Variants in SLCO1B3 observed in about 807,000 individuals in gnomAD.
SLCO1B3 encodes liver-specific organic anion transporter 2.
In SLCO1B3, 72 loss-of-function variants were observed where a neutral mutation model predicts 71.8. The observed-to-expected ratio is 1.00, with a 90% confidence interval of 0.83 to 1.22. The LOEUF (loss-of-function observed/expected upper bound fraction) is 1.22. Among genes scored for constraint, SLCO1B3 ranks in the 50% most tolerant of loss-of-function variants. SLCO1B3 has a pLI of 0.00. For missense variants in SLCO1B3, 911 were observed against 819.7 expected, an observed-to-expected ratio of 1.11 and a Z score of -1.36; for synonymous variants, 298 against 278.4, an observed-to-expected ratio of 1.07 and a Z score of -0.70.
rs1166637472 is a variant in SLCO1B3 at position 20,901,390 on chromosome 12, T to C, written c.1788T>C (p.Asp596=). 6 of 1,592,452 alleles carry C rather than the reference T, an allele frequency of 3.8e-6. No homozygotes were observed. Among genetic ancestry groups the C allele is most frequent in the South Asian group, 2.3e-5 (2 of 85,238 alleles). ...LAPIYFGALI[D]KTCMKWSTNS... is the part of the protein sequence containing the mutation. ...CAATATATTTTGGGGCTCTGATTGA[T>C]AAAACATGTATGAAGTGGTCCACCA... The change falls in exon 15 of 16, where the codon GAT becomes GAC. Residue 596 remains aspartate, a synonymous_variant. Transcript: ENST00000381545.
intron 14 of SLCO1B3, among the ~76,000 whole-genome samples, chr12:20,899,539 T>A (rs1036417194): frequency 6.6e-6 from 1 of 152,206 alleles, no homozygotes; most frequent in South Asian, 2.1e-4. Context: ...TAAAAGGAAA[T>A]ATAAAAGGAA....
At chr12:20,820,281 G>A (rs941404847) in intron 3 of SLCO1B3, among the ~76,000 whole-genome samples, 3 of 152,040 alleles carry the variant, frequency 2.0e-5, no homozygotes, top group African/African-American at 4.8e-5. Context: ...GTCTTCAGCC[G>A]CTACGCCAAG....
At position 20,820,148 on chromosome 12, in the gene SLCO1B3, T is replaced by C. The variant is rs369828434; in HGVS notation, c.84+4326T>C. Among the ~76,000 whole-genome samples, 161 of 152,086 alleles carry C rather than the reference T, an allele frequency of 1.1e-3. 4 individuals are homozygous for C. The South Asian group carries it at 0.033, about 31-fold the overall frequency. ...AAACAGGCCCTTGAAAAGAAGGTAATGTGGAGTGGGTAGCCTCCATATTGA... is the reference window on the plus strand; with the variant it reads ...AAACAGGCCCTTGAAAAGAAGGTAACGTGGAGTGGGTAGCCTCCATATTGA... On this transcript the variant is annotated intron_variant, in intron 3 of 15. Transcript: ENST00000381545.
Position 20,862,502 on chromosome 12 carries a change from TG to T in SLCO1B3, c.576del (p.Ile193PhefsTer17), listed in dbSNP as rs1171667525. The T allele has an allele frequency of 1.2e-6, 2 of 1,612,350 alleles. No individual in the cohort carries two copies. Among genetic ancestry groups the T allele is most frequent in the African/African-American group, 2.7e-5 (2 of 74,884 alleles). On this transcript the variant is annotated frameshift_variant, in exon 7 of 16. Transcript: ENST00000381545. LOFTEE classifies it high-confidence loss of function. ...RGIGETPIVP[L>X]GISYIDDFAK... is the part of the protein sequence containing the mutation. ...ATAGGGGAAACCCCCATAGTACCAT[TG>T]GGGATTTCATACATTGATGATTTTG... is the stretch of plus-strand genomic sequence containing the variant.
At chr12:20,876,680 C>T (rs1301320233) in intron 9 of SLCO1B3, among the ~76,000 whole-genome samples, 1 of 152,076 alleles carries the variant, frequency 6.6e-6, no homozygotes, top group Non-Finnish European at 1.5e-5. Flanking sequence ...TATCACAAAT[C>T]GAGTTTGTTT....
intron 3 of SLCO1B3, among the ~76,000 whole-genome samples, chr12:20,827,810 C>T (rs930521365): frequency 2.0e-5 from 3 of 152,074 alleles, no homozygotes; most frequent in Non-Finnish European, 2.9e-5. Context: ...CCTCATGATC[C>T]GCCCGCCTTG....
chr12:20,860,935 GA>G, intron 5 of SLCO1B3, 81 bp from the exon 6 acceptor site: 1 of 1,355,178 alleles, frequency 7.4e-7, no homozygotes. Flanking sequence ...TCAAATAAAG[GA>G]GAAAATTTCT....
intron 4 of SLCO1B3, among the ~76,000 whole-genome samples, chr12:20,857,363 T>C (rs7297444): frequency 0.66 from 100,415 of 151,800 alleles, 36,421 homozygotes; most frequent in South Asian, 0.84. Context: ...ATTTTATTCT[T>C]TCTTTTCTTC....
At chr12:20,819,103 C>T (rs111708574) in intron 3 of SLCO1B3, among the ~76,000 whole-genome samples, 2,961 of 152,176 alleles carry the variant, frequency 0.019, 100 homozygotes, top group African/African-American at 0.064. Context: ...CCGCTGCACG[C>T]GGACATGAGG....
At chr12:20,869,011 C>T (rs147312058) in intron 8 of SLCO1B3, among the ~76,000 whole-genome samples, 8,723 of 151,998 alleles carry the variant, frequency 0.057, 323 homozygotes, top group East Asian at 0.18. Flanking sequence ...AACATGAAGG[C>T]GGACTAGGAA....
At chr12:20,845,177 C>A in intron 3 of SLCO1B3, 1 of 357,000 alleles carries the variant, frequency 2.8e-6, no homozygotes, top group Non-Finnish European at 5.7e-6. Context: ...ACCCTATGTA[C>A]AAGGTAGCCA....
intron 11 of SLCO1B3, among the ~76,000 whole-genome samples, chr12:20,879,889 T>C (rs1056879742): frequency 6.6e-6 from 1 of 152,044 alleles, no homozygotes; most frequent in Non-Finnish European, 1.5e-5. Context: ...GTAGACACTT[T>C]TACCCCAATT....
chr12:20,862,979 G>A, intron 8 of SLCO1B3, 125 bp downstream of exon 8: 1 of 483,938 alleles, frequency 2.1e-6, no homozygotes, highest in South Asian at 4.9e-5. Context: ...TTACAAGTAG[G>A]AAATAAATCC....
At chr12:20,904,199 C>G (rs1866186203) in intron 15 of SLCO1B3, among the ~76,000 whole-genome samples, 2 of 150,378 alleles carry the variant, frequency 1.3e-5, no homozygotes, top group African/African-American at 4.9e-5. Context: ...GAGATCACAC[C>G]ACTACACTGC....
intron 15 of SLCO1B3, chr12:20,902,016 C>A: frequency 3.0e-6 from 1 of 335,712 alleles, no homozygotes; most frequent in Non-Finnish European, 5.6e-6. Context: ...ATATATTGAT[C>A]AATATATAAA....
chr12:20,841,089 C>CA (rs1427233517), intron 3 of SLCO1B3, among the ~76,000 whole-genome samples: 1 of 151,070 alleles, frequency 6.6e-6, no homozygotes, highest in Non-Finnish European at 1.5e-5. Flanking sequence ...ATTTTTTTTT[C>CA]TTTTTTACCC....
intron 8 of SLCO1B3, among the ~76,000 whole-genome samples, chr12:20,870,324 G>T (rs2121278439): frequency 6.6e-6 from 1 of 152,164 alleles, no homozygotes; most frequent in Non-Finnish European, 1.5e-5. Flanking sequence ...CTGGGTAGAA[G>T]CTTTTTAGTT....
Position 20,814,064 on chromosome 12 carries a change from A to G in SLCO1B3, c.-66+426A>G, listed in dbSNP as rs1309114354. ...CATAGCAAGTATCTACATAGCATGT[A>G]TCCACATATATATGCTATATACATA... is the stretch of plus-strand genomic sequence containing the variant. On this transcript the variant is annotated intron_variant, in intron 2 of 15. Transcript: ENST00000381545. Among the ~76,000 whole-genome samples the G allele has an allele frequency of 2.6e-5, 4 of 152,190 alleles. 1 individual carries two copies. The highest frequency in any genetic ancestry group is 1.3e-4 in the Admixed American group (2 of 15,274).
intron 13 of SLCO1B3, among the ~76,000 whole-genome samples, chr12:20,895,658 C>T (rs984164408): frequency 1.3e-5 from 2 of 152,078 alleles, no homozygotes; most frequent in African/African-American, 4.8e-5. Context: ...TGCAGCTTTT[C>T]CAGGTGAATG....
Sources: gnomAD v4.1 joint callset for allele counts (sites outside exome capture counted in the v4.1 genomes callset) on GRCh38, gnomAD v4.1.1 for gene constraint, MANE v1.5 for transcripts, NCBI Gene and HGNC (gene_info 2026-07-23, HGNC 2026-07-21) for gene names.